Variants in PARP4 observed in about 807,000 individuals in gnomAD.
The protein encoded by PARP4 is poly(ADP-ribose) polymerase family member 4.
In PARP4, 120 loss-of-function variants were observed where a neutral mutation model predicts 187.7. The ratio of observed to expected loss-of-function variants is 0.64; its 90% CI spans 0.55 to 0.74. The LOEUF is 0.74. PARP4 is among the 30% of genes least tolerant of loss of function. The pLI is 0.00. For missense variants in PARP4, 1,836 were observed against 2,070.5 expected (o/e 0.89, Z 2.20); for synonymous variants, 654 against 740.9 (o/e 0.88, Z 1.90).
At chr13:24,424,677 T>TTTTC in intron 33 of PARP4, among the ~76,000 whole-genome samples, 1 of 119,732 alleles carries the variant, frequency 8.4e-6, no homozygotes, top group Admixed American at 7.9e-5. Context: ...TATGTACTTT[T>TTTTC]TTTTTTTTTT....
intron 31 of PARP4, among the ~76,000 whole-genome samples, 181 bp from the exon 32 acceptor site, chr13:24,431,657 G>A (rs1206348526): frequency 2.0e-5 from 3 of 152,104 alleles, no homozygotes; most frequent in African/African-American, 7.2e-5. Flanking sequence ...AAACCTGTAC[G>A]TGTACCTCTG....
intron 30 of PARP4, among the ~76,000 whole-genome samples, chr13:24,436,036 C>T (rs11842915): frequency 0.16 from 24,434 of 151,954 alleles, 2,116 homozygotes; most frequent in Middle Eastern, 0.3. Context: ...AGAATATCAG[C>T]AATCAATATA....
At chr13:24,445,446 C>A (rs563641301) in intron 27 of PARP4, among the ~76,000 whole-genome samples, 1 of 151,888 alleles carries the variant, frequency 6.6e-6, no homozygotes, top group East Asian at 1.9e-4. Context: ...GAGTTAATCA[C>A]CAATGGCCAA....
At chr13:24,506,336 A>G (rs1018296432) in intron 1 of PARP4, among the ~76,000 whole-genome samples, 5 of 152,192 alleles carry the variant, frequency 3.3e-5, no homozygotes, top group Non-Finnish European at 5.9e-5. Flanking sequence ...GGACCCAAAC[A>G]GTGAGCAGCA....
intron 17 of PARP4, among the ~76,000 whole-genome samples, chr13:24,466,330 C>T (rs752285389): frequency 7.9e-5 from 12 of 152,102 alleles, no homozygotes; most frequent in Non-Finnish European, 1.5e-4. Context: ...TACAGGCATG[C>T]ATCACCACAC....
rs1190921225 is a variant in PARP4 at position 24,499,919 on chromosome 13, GACTCCCAT to G, written c.401+389_401+396del. ...CTTTAAGAAACCATATAGAACTTTA[GACTCCCAT>G]ACTCCATTTGAGGAAGGCTGTTGTT... On this transcript the variant is annotated intron_variant, in intron 4 of 33. Coordinates refer to ENST00000381989, the MANE Select transcript of PARP4 (RefSeq NM_006437.4). Among the ~76,000 whole-genome samples, 5 of 152,156 alleles carry G rather than the reference GACTCCCAT, an allele frequency of 3.3e-5. No individual in the cohort carries two copies. In the East Asian group the frequency reaches 9.7e-4, roughly 29 times the overall value.
In PARP4 at chr13:24,452,563, A is replaced by G. The variant is rs201225179; in HGVS notation, c.2857T>C (p.Phe953Leu). The change falls in exon 24 of 34, where the codon TTC (phenylalanine) becomes CTC (leucine). Residue 953 changes from phenylalanine (F) to leucine (L), a missense_variant. This residue lies in a region of PARP4 where 1,147 missense variants were observed against 1,214.2 expected (regional missense o/e 0.94). Coordinates refer to ENST00000381989, the MANE Select transcript of PARP4 (RefSeq NM_006437.4). The stretch of plus-strand genomic sequence containing the variant: ...CTAAGATATCGGAGTGTTTTCCAGA[A>G]GTCTGTGTTCCCCATGGTAGGTGTG... Reference protein sequence around the residue: ...SATPTMGNTDFWKTLRYLSLL... With the variant: ...SATPTMGNTDLWKTLRYLSLL... The G allele has an allele frequency of 1.6e-5, 26 of 1,613,976 alleles. 1 individual carries two copies. The East Asian group carries it at 5.6e-4, about 35-fold the overall frequency.
At position 24,449,832 on chromosome 13, in the gene PARP4, CAT is replaced by C. The variant is rs773808110; in HGVS notation, c.3015-17_3015-16del. ...TTGCTGTAGAACTGATCACATTTCA[CAT>C]GTTTTAATTTTGAAGACATTAGAAA... On this transcript the variant is annotated splice_polypyrimidine_tract_variant and intron_variant, in intron 24 of 33. Transcript: ENST00000381989. 1.1e-5 allele frequency: 16 copies of C among 1,490,378 alleles called. No individual in the cohort carries two copies. The highest frequency in any genetic ancestry group is 5.2e-5 in the Admixed American group (3 of 57,672). 92.3% of individuals were successfully genotyped at this position (1,490,378 alleles called of 1,614,324 possible). A position where few individuals can be genotyped will look rare whatever the true frequency, so the allele number is the denominator to read the frequency against.
chr13:24,461,690 C>T (rs750388), intron 17 of PARP4, among the ~76,000 whole-genome samples: 1 of 151,798 alleles, frequency 6.6e-6, no homozygotes, highest in East Asian at 1.9e-4. Context: ...AGCACCTCTC[C>T]GTGGAGCAGG....
Position 24,435,060 on chromosome 13 carries a change from C to T in PARP4, c.4081G>A (p.Ala1361Thr). ...GSAAPPRQFD[A>T]SQFSQGPVPG... ...ACAGGGCCTTGGCTGAATTGAGATG[C>T]ATCAAACTGTCTGGGAGGAGCAGCT... is the stretch of plus-strand genomic sequence containing the variant. The change falls in exon 31 of 34, where the codon GCA becomes ACA. Residue 1361 changes from alanine to threonine, a missense_variant. Physicochemically the swap from Ala to Thr is moderately conservative, Grantham distance 58. Coordinates refer to ENST00000381989, the MANE Select transcript of PARP4 (RefSeq NM_006437.4). 6.2e-7 allele frequency: 1 copy of T among 1,614,072 alleles called. No individual in the cohort carries two copies. The highest frequency in any genetic ancestry group is 8.5e-7 in the Non-Finnish European group (1 of 1,180,038).
chr13:24,481,506 A>G (rs1873281424), intron 12 of PARP4, among the ~76,000 whole-genome samples: 1 of 152,184 alleles, frequency 6.6e-6, no homozygotes, highest in Non-Finnish European at 1.5e-5. Flanking sequence ...CAGCCTGCCC[A>G]ATATGATGAA....
At chr13:24,507,899 C>A (rs1464724241) in intron 1 of PARP4, among the ~76,000 whole-genome samples, 1 of 152,192 alleles carries the variant, frequency 6.6e-6, no homozygotes, top group Non-Finnish European at 1.5e-5. Flanking sequence ...CCCTTCCTCA[C>A]CCCATGCTGT....
chr13:24,454,910 G>C, intron 22 of PARP4, 107 bp downstream of exon 22: 1 of 820,012 alleles, frequency 1.2e-6, no homozygotes, highest in African/African-American at 1.7e-5. Flanking sequence ...ATACTAGGCT[G>C]CCCCTCACCA....
chr13:24,506,408 G>C (rs1012032419), intron 1 of PARP4, among the ~76,000 whole-genome samples: 7 of 152,252 alleles, frequency 4.6e-5, no homozygotes, highest in African/African-American at 1.7e-4. Flanking sequence ...GACCCCAGCA[G>C]GTTGCCACTG....
intron 14 of PARP4, among the ~76,000 whole-genome samples, chr13:24,476,344 C>CA (rs1872985487): frequency 6.6e-6 from 1 of 152,158 alleles, no homozygotes; most frequent in South Asian, 2.1e-4. Context: ...TAAACATACA[C>CA]ACAAATACAC....
chr13:24,504,452 T>G (rs1869496299), intron 1 of PARP4, among the ~76,000 whole-genome samples: 1 of 151,498 alleles, frequency 6.6e-6, no homozygotes, highest in African/African-American at 2.4e-5. Context: ...TAGCTGGGAC[T>G]ACATGCGCGC....
intron 27 of PARP4, among the ~76,000 whole-genome samples, chr13:24,444,506 A>G (rs1026885253): frequency 5.9e-5 from 9 of 152,202 alleles, no homozygotes; most frequent in African/African-American, 2.2e-4. Context: ...AAAACCCAGC[A>G]ATGTCTGGGA....
At chr13:24,455,484 T>C (rs1437737405) in intron 21 of PARP4, among the ~76,000 whole-genome samples, 3 of 132,440 alleles carry the variant, frequency 2.3e-5, no homozygotes, top group Non-Finnish European at 4.8e-5. Context: ...GGAACAAATA[T>C]ATATATATAT....
At chr13:24,484,016 G>A (rs1873421538) in intron 12 of PARP4, among the ~76,000 whole-genome samples, 1 of 152,152 alleles carries the variant, frequency 6.6e-6, no homozygotes. Flanking sequence ...TTGATTTGTA[G>A]GAACTCTTTA....
Sources: allele counts gnomAD v4.1 joint callset (sites outside exome capture counted in the v4.1 genomes callset), GRCh38; gene constraint gnomAD v4.1.1; regional missense constraint gnomAD v4.1.1; transcripts MANE v1.5; gene names NCBI Gene and HGNC (gene_info 2026-07-23, HGNC 2026-07-21).